The following MLLT3 variants were observed in gnomAD, a reference collection of about 807,000 sequenced individuals.
MLLT3 encodes the protein protein AF-9.
In MLLT3, 4 loss-of-function variants were observed where a neutral mutation model predicts 53.2. The observed-to-expected ratio is 0.08, with a 90% confidence interval of 0.04 to 0.17. The LOEUF (loss-of-function observed/expected upper bound fraction) is 0.17, where lower values mean the gene tolerates loss of function less well. Ranked by LOEUF, MLLT3 falls within the 10% of genes least tolerant of loss-of-function variation. The probability of loss-of-function intolerance (pLI) is 1.00; values close to 1 mark genes in which losing one functional copy is unlikely to be tolerated. For missense variants in MLLT3, 569 were observed against 684.0 expected (o/e 0.83, Z 1.87); for synonymous variants, 283 against 230.6 (o/e 1.23, Z -2.06).
chr9:20,602,566 C>T (rs566731429), intron 2 of MLLT3, among the ~76,000 whole-genome samples: 16 of 152,234 alleles, frequency 1.1e-4, no homozygotes, highest in Admixed American at 6.5e-4. Flanking sequence ...ATATAGTACA[C>T]GCATGTGCTC....
At chr9:20,612,141 A>C (rs1362863442) in intron 2 of MLLT3, among the ~76,000 whole-genome samples, 1 of 152,178 alleles carries the variant, frequency 6.6e-6, no homozygotes, top group Non-Finnish European at 1.5e-5. Flanking sequence ...CAATGTTTTA[A>C]AAGTAAACAT....
chr9:20,520,741 A>G (rs1026246356), intron 2 of MLLT3, among the ~76,000 whole-genome samples: 2 of 152,186 alleles, frequency 1.3e-5, no homozygotes, highest in African/African-American at 2.4e-5. Context: ...ATCCTAAGAA[A>G]AAGGGGACGT....
At chr9:20,358,620 G>A (rs954869003) in intron 8 of MLLT3, among the ~76,000 whole-genome samples, 16 of 152,184 alleles carry the variant, frequency 1.1e-4, no homozygotes, top group African/African-American at 3.6e-4. Flanking sequence ...TTCAGGAAGG[G>A]CTTAAGTGAA....
intron 2 of MLLT3, among the ~76,000 whole-genome samples, chr9:20,462,992 C>T (rs1824149158): frequency 1.3e-5 from 2 of 151,984 alleles, no homozygotes; most frequent in African/African-American, 4.8e-5. Flanking sequence ...AATGAAACAA[C>T]AGACAATACA....
chr9:20,571,161 C>A (rs1244988474), intron 2 of MLLT3, among the ~76,000 whole-genome samples: 1 of 152,210 alleles, frequency 6.6e-6, no homozygotes, highest in African/African-American at 2.4e-5. Context: ...GATTTATTTT[C>A]ATATAATGCT....
chr9:20,481,728 T>A (rs1824668016), intron 2 of MLLT3, among the ~76,000 whole-genome samples: 1 of 152,196 alleles, frequency 6.6e-6, no homozygotes, highest in Admixed American at 6.5e-5. Flanking sequence ...CCCTTCCACT[T>A]CTTAGGAATG....
At position 20,620,942 on chromosome 9, in the gene MLLT3, G is replaced by C. The variant is rs763778737; in HGVS notation, c.13-108C>G. The C allele has an allele frequency of 3.2e-6, 4 of 1,254,230 alleles. No homozygotes were observed. The East Asian group carries it at 9.7e-5, about 30-fold the overall frequency. The allele number at this position is 1,254,230 out of a possible 1,614,324, so 77.7% of individuals were successfully genotyped here. A position where few individuals can be genotyped will look rare whatever the true frequency, so the allele number is the denominator to read the frequency against. ...CCTCCTTCTTGAAACGCACATAAAA[G>C]GAAACGGCGGTGCCCTCTGCATCCA... On this transcript the variant is annotated intron_variant, in intron 1 of 10. Transcript: ENST00000380338. The surrounding 1 kb of genome is among the most constrained non-coding windows in gnomAD (Gnocchi z 6.1).
intron 2 of MLLT3, among the ~76,000 whole-genome samples, chr9:20,467,394 A>G (rs10757133): frequency 0.38 from 57,566 of 151,944 alleles, 11,747 homozygotes; most frequent in East Asian, 0.59. Flanking sequence ...CCTGGCCAAC[A>G]TGGTGAAACC....
Position 20,427,307 on chromosome 9 carries a change from TG to T in MLLT3, c.421-12883del, listed in dbSNP as rs1823161582. Among the ~76,000 whole-genome samples, 4 of 139,762 alleles carry T rather than the reference TG, an allele frequency of 2.9e-5. No individual in the cohort carries two copies. In the East Asian group the frequency reaches 8.4e-4, roughly 29 times the overall value. 91.7% of individuals were successfully genotyped at this position (139,762 alleles called of 152,430 possible). A position where few individuals can be genotyped will look rare whatever the true frequency, so the allele number is the denominator to read the frequency against. On this transcript the variant is annotated intron_variant, in intron 4 of 10. Transcript: ENST00000380338. ...AAGAAACAAATACGACTTTAAGAAATGAAAAAAAAAAAACACTGTTGGAATC... is the reference window on the plus strand; with the variant it reads ...AAGAAACAAATACGACTTTAAGAAATAAAAAAAAAAAACACTGTTGGAATC...
chr9:20,566,564 T>A (rs1819383164), intron 2 of MLLT3, among the ~76,000 whole-genome samples: 1 of 152,160 alleles, frequency 6.6e-6, no homozygotes, highest in Admixed American at 6.6e-5. Flanking sequence ...AGATCTAGCA[T>A]ATCTAACAGA....
intron 2 of MLLT3, among the ~76,000 whole-genome samples, chr9:20,489,365 A>G (rs1424733568): frequency 6.6e-6 from 1 of 152,200 alleles, no homozygotes; most frequent in Non-Finnish European, 1.5e-5. Flanking sequence ...TTGGCATCTT[A>G]AAGGTGAAGA....
chr9:20,416,877 G>T (rs1822884411), intron 4 of MLLT3, among the ~76,000 whole-genome samples: 1 of 151,988 alleles, frequency 6.6e-6, no homozygotes, highest in Admixed American at 6.6e-5. Context: ...CTTTGTCCTG[G>T]GCCCATGACC....
chr9:20,484,469 C>T (rs1824755371), intron 2 of MLLT3, among the ~76,000 whole-genome samples: 1 of 152,156 alleles, frequency 6.6e-6, no homozygotes, highest in Middle Eastern at 3.2e-3. Flanking sequence ...CAACTGTGTG[C>T]AGTTTATAGA....
chr9:20,593,728 A>G (rs1820183829), intron 2 of MLLT3, among the ~76,000 whole-genome samples: 2 of 152,216 alleles, frequency 1.3e-5, no homozygotes, highest in African/African-American at 2.4e-5. Flanking sequence ...TGGGTAATGT[A>G]AAACTCTGAG....
Position 20,353,541 on chromosome 9 carries a change from C to G in MLLT3, c.1559G>C (p.Arg520Thr), listed in dbSNP as rs1014510263. The stretch of plus-strand genomic sequence containing the variant: ...ATTTCTCACCTGCTGCAGAATGTGT[C>G]TTTCTCTCAATGTCATTAACCTTCT... ...LHRRLMTLRE[R>T]HILQQIVNLI... Residue 520 changes from arginine (R) to threonine (T), a missense_variant, in exon 10 of 11, where the codon AGA (arginine) becomes ACA (threonine). Around this residue, in one of 5 missense-constraint regions of MLLT3, gnomAD observed 45 missense variants for 85.5 expected, o/e 0.53. Transcript: ENST00000380338. 1.2e-6 allele frequency: 2 copies of G among 1,614,072 alleles called. No homozygotes were observed. Among genetic ancestry groups the G allele is most frequent in the South Asian group, 1.1e-5 (1 of 91,072 alleles).
At chr9:20,395,315 T>A (rs1041285758) in intron 5 of MLLT3, among the ~76,000 whole-genome samples, 2 of 152,198 alleles carry the variant, frequency 1.3e-5, no homozygotes, top group Admixed American at 1.3e-4. Context: ...CTAAATGTTA[T>A]CTACTTAGGA....
intron 2 of MLLT3, among the ~76,000 whole-genome samples, chr9:20,572,113 A>C (rs1472830844): frequency 1.3e-5 from 2 of 152,206 alleles, no homozygotes; most frequent in African/African-American, 2.4e-5. Context: ...TAAACCAGAC[A>C]TGAAAAGACA....
chr9:20,544,822 T>C (rs1490680542), intron 2 of MLLT3, among the ~76,000 whole-genome samples: 2 of 152,188 alleles, frequency 1.3e-5, no homozygotes, highest in Admixed American at 1.3e-4. Context: ...GCATGGCTTA[T>C]GCCTATAATC....
chr9:20,350,551 C>T (rs895291794), intron 10 of MLLT3, among the ~76,000 whole-genome samples: 4 of 145,068 alleles, frequency 2.8e-5, no homozygotes, highest in East Asian at 2.1e-4. Context: ...GCCGAGATCC[C>T]GCCACTGCAC....
Sources: gnomAD v4.1 joint callset for allele counts (sites outside exome capture counted in the v4.1 genomes callset) on GRCh38, gnomAD v4.1.1 for gene constraint, gnomAD v4.1.1 regional missense constraint, Gnocchi (gnomAD v3.1) non-coding constraint, MANE v1.5 for transcripts, NCBI Gene and HGNC (gene_info 2026-07-23, HGNC 2026-07-21) for gene names.